Variants in ASXL1 observed in about 807,000 individuals in gnomAD.
ASXL1 encodes the protein polycomb group protein ASXL1.
Under a neutral mutation model 89.1 loss-of-function variants are expected in ASXL1, and 65 were observed. That is an observed-to-expected ratio of 0.73 (90% CI 0.60 to 0.90). The LOEUF (loss-of-function observed/expected upper bound fraction) is 0.90. Ranked by LOEUF, ASXL1 falls within the 40% of genes least tolerant of loss-of-function variation. ASXL1 has a pLI of 0.00. For synonymous variants in ASXL1, 739 were observed against 746.9 expected (o/e 0.99, Z 0.17); for missense variants, 1,786 against 1,942.9 (o/e 0.92, Z 1.52).
At position 32,358,734 on chromosome 20, in the gene ASXL1, C is replaced by G; in HGVS notation, c.-42C>G. 1 of 1,318,296 alleles carries G rather than the reference C, an allele frequency of 7.6e-7. No individual in the cohort carries two copies. Among genetic ancestry groups the G allele is most frequent in the Non-Finnish European group, 1.0e-6 (1 of 979,508 alleles). The allele number at this position is 1,318,296 out of a possible 1,614,324, so 81.7% of individuals were successfully genotyped here. On this transcript the variant is annotated 5_prime_UTR_variant, in exon 1 of 13. Transcript: ENST00000375687. ...CGCCACCGCCCCAGCCCGCCCAGCC[C>G]GGAGGTCCCGCGTGGAGCTGCCGCC... is the stretch of plus-strand genomic sequence containing the variant.
chr20:32,368,960 T>A (rs1023701587), intron 3 of ASXL1, 55 bp from the exon 4 acceptor site: 1 of 1,479,106 alleles, frequency 6.8e-7, no homozygotes, highest in African/African-American at 1.4e-5. Flanking sequence ...GGATTAGGTC[T>A]TTAAGTAGGC....
intron 11 of ASXL1, 29 bp downstream of exon 11, chr20:32,433,014 T>A (rs774905502): frequency 1.2e-6 from 2 of 1,611,786 alleles, no homozygotes; most frequent in Admixed American, 3.3e-5. Context: ...TGAGTCCTGG[T>A]CTGGGGTTTT....
chr20:32,437,549 T>G lies in ASXL1; in HGVS notation c.*211T>G. 8 of 676,500 alleles carry G rather than the reference T, an allele frequency of 1.2e-5. No individual in the cohort carries two copies. Among genetic ancestry groups the G allele is most frequent in the African/African-American group, 1.8e-5 (1 of 55,140 alleles). 41.9% of individuals were successfully genotyped at this position (676,500 alleles called of 1,614,324 possible). Reference sequence around the variant, plus strand: ...GTTTCCTGGGTATAACCCATTGGGCTGCCCAAGGCCAGCCAGCCTGAGCTC... The same window carrying G: ...GTTTCCTGGGTATAACCCATTGGGCGGCCCAAGGCCAGCCAGCCTGAGCTC... On this transcript the variant is annotated 3_prime_UTR_variant, in exon 13 of 13. Coordinates refer to ENST00000375687, the MANE Select transcript of ASXL1 (RefSeq NM_015338.6).
At chr20:32,412,203 A>G (rs2049060796) in intron 4 of ASXL1, among the ~76,000 whole-genome samples, 2 of 152,168 alleles carry the variant, frequency 1.3e-5, no homozygotes, top group Admixed American at 1.3e-4. Flanking sequence ...TGGGGGTTTC[A>G]TTCTAACTTT....
chr20:32,421,213 T>G (rs1380204985), intron 4 of ASXL1, among the ~76,000 whole-genome samples: 1 of 148,414 alleles, frequency 6.7e-6, no homozygotes, highest in African/African-American at 2.5e-5. Context: ...TCTGCACATG[T>G]ATCCCAGAAC....
intron 4 of ASXL1, among the ~76,000 whole-genome samples, chr20:32,424,955 C>T (rs1314915083): frequency 6.6e-6 from 1 of 152,172 alleles, no homozygotes; most frequent in East Asian, 1.9e-4. Context: ...CCCCACTGCC[C>T]CTTCCCAGTC....
chr20:32,387,161 C>T lies in ASXL1; in HGVS notation c.252+18038C>T, dbSNP rs554318961. ...AAAAAAACAAAAAAACAAAAATTAA[C>T]TGGGCATGGTTGTGCACCCCCATAA... On this transcript the variant is annotated intron_variant, in intron 4 of 12. Coordinates refer to ENST00000375687, the MANE Select transcript of ASXL1 (RefSeq NM_015338.6). Among the ~76,000 whole-genome samples the T allele has an allele frequency of 3.3e-5, 5 of 151,954 alleles. No homozygotes were observed. In the South Asian group the frequency reaches 1.0e-3, roughly 31 times the overall value.
At chr20:32,377,972 CTGTGTGTGTGTG>C (rs112878923) in intron 4 of ASXL1, among the ~76,000 whole-genome samples, 2 of 115,340 alleles carry the variant, frequency 1.7e-5, no homozygotes, top group Admixed American at 9.7e-5. Context: ...AGTTTTGACT[CTGTGTGTGTGTG>C]TGTGTGTGTG....
intron 4 of ASXL1, among the ~76,000 whole-genome samples, chr20:32,413,322 T>C (rs139319619): frequency 6.6e-6 from 1 of 152,218 alleles, no homozygotes; most frequent in Non-Finnish European, 1.5e-5. Context: ...TGGAGGGGGA[T>C]GGAAATGGAA....
intron 1 of ASXL1, chr20:32,359,209 A>G (rs2048067384): frequency 4.3e-6 from 3 of 694,102 alleles, no homozygotes; most frequent in South Asian, 1.5e-5. Flanking sequence ...GTTTCCGGGA[A>G]GGGTCGGAAG....
At chr20:32,407,321 GC>G (rs1440996009) in intron 4 of ASXL1, among the ~76,000 whole-genome samples, 2 of 151,674 alleles carry the variant, frequency 1.3e-5, no homozygotes, top group African/African-American at 4.9e-5. Flanking sequence ...TCCAACCTGG[GC>G]AACAGAGCTA....
intron 4 of ASXL1, among the ~76,000 whole-genome samples, chr20:32,392,289 T>TG (rs1308954291): frequency 1.3e-5 from 2 of 151,118 alleles, no homozygotes; most frequent in African/African-American, 4.9e-5. Flanking sequence ...TGATTTTTTT[T>TG]TTTTTTTTCC....
chr20:32,433,063 T>C, intron 11 of ASXL1, 78 bp downstream of exon 11: 1 of 1,586,052 alleles, frequency 6.3e-7, no homozygotes, highest in East Asian at 2.3e-5. Context: ...TAGCATATAC[T>C]TATGTGTTGG....
Position 32,433,885 on chromosome 20 carries a change from A to G in ASXL1, c.1687A>G (p.Thr563Ala), listed in dbSNP as rs769192383. The G allele has an allele frequency of 2.5e-6, 4 of 1,613,478 alleles. No individual in the cohort carries two copies. Among genetic ancestry groups the G allele is most frequent in the African/African-American group, 2.7e-5 (2 of 74,920 alleles). The change falls in exon 12 of 13, where the codon ACT (threonine) becomes GCT (alanine). Residue 563 changes from threonine to alanine, a missense_variant. Physicochemically the swap from Thr to Ala is moderately conservative, Grantham distance 58 (BLOSUM62 0). Around this residue, in one of 3 missense-constraint regions of ASXL1, gnomAD observed 1,418 missense variants for 1,427.8 expected, o/e 0.99. Coordinates refer to ENST00000375687, the MANE Select transcript of ASXL1 (RefSeq NM_015338.6). ...ESVHTEKPQP[T>A]KEEPKVPPIR... ...TGTTCACACCGAAAAGCCACAGCCC[A>G]CTAAAGAGGAGCCCAAAGTCCCGCC...
In ASXL1 at chr20:32,429,032, A is replaced by G. The variant is rs1323804792; in HGVS notation, c.472-306A>G. ...GTGTGGTTAGTGCAGAGTAGAGAGA[A>G]CAGGAGATTGGGAGTGAGCAGTTTG... On this transcript the variant is annotated intron_variant, in intron 6 of 12. Transcript: ENST00000375687. The surrounding 1 kb of genome is among the most constrained non-coding windows in gnomAD (Gnocchi z 4.9). 1 of 403,420 alleles carries G rather than the reference A, an allele frequency of 2.5e-6. No individual in the cohort carries two copies. The highest frequency in any genetic ancestry group is 4.7e-6 in the Non-Finnish European group (1 of 212,774). The allele number at this position is 403,420 out of a possible 1,614,324, so 25.0% of individuals were successfully genotyped here. A position where few individuals can be genotyped will look rare whatever the true frequency, so the allele number is the denominator to read the frequency against.
chr20:32,368,355 A>G (rs1378829452), intron 3 of ASXL1, among the ~76,000 whole-genome samples: 1 of 152,156 alleles, frequency 6.6e-6, no homozygotes, highest in African/African-American at 2.4e-5. Flanking sequence ...TTAGTATGCC[A>G]TTGTTTCAGT....
intron 4 of ASXL1, among the ~76,000 whole-genome samples, chr20:32,375,059 C>G (rs2048354615): frequency 1.3e-5 from 2 of 152,098 alleles, no homozygotes; most frequent in Admixed American, 6.6e-5. Flanking sequence ...GTTGGTCAGG[C>G]TGGTCTCGAA....
chr20:32,411,713 T>G (rs2049052183), intron 4 of ASXL1, among the ~76,000 whole-genome samples: 1 of 151,688 alleles, frequency 6.6e-6, no homozygotes, highest in Non-Finnish European at 1.5e-5. Context: ...AGCTTTTATA[T>G]TTTTAGTAGA....
Position 32,435,110 on chromosome 20 carries a change from G to T in ASXL1, c.2398G>T (p.Asp800Tyr). Residue 800 changes from aspartate to tyrosine, a missense_variant, in exon 13 of 13, where the codon GAT becomes TAT. Physicochemically the swap from Asp to Tyr is radical, Grantham distance 160. Transcript: ENST00000375687. ...ESGTTSWESDDEEQGPTVPAD... is the reference protein window; with the variant it reads ...ESGTTSWESDYEEQGPTVPAD... ...TGGCACCACTTCCTGGGAAAGTGAT[G>T]ATGAGGAGCAAGGACCCACCGTTCC... The T allele has an allele frequency of 6.2e-7, 1 of 1,613,958 alleles. No homozygotes were observed. The highest frequency in any genetic ancestry group is 8.5e-7 in the Non-Finnish European group (1 of 1,180,030).
Sources: gnomAD v4.1 joint callset for allele counts (sites outside exome capture counted in the v4.1 genomes callset) on GRCh38, gnomAD v4.1.1 for gene constraint, gnomAD v4.1.1 regional missense constraint, Gnocchi (gnomAD v3.1) non-coding constraint, MANE v1.5 for transcripts, NCBI Gene and HGNC (gene_info 2026-07-23, HGNC 2026-07-21) for gene names.